The following PRMT3 variants were observed in gnomAD, a reference collection of about 807,000 sequenced individuals.
PRMT3 encodes the protein protein arginine methyltransferase 3.
PRMT3 carries 62 observed loss-of-function variants against 71.9 expected under a neutral mutation model. That is an observed-to-expected ratio of 0.86 (90% confidence interval 0.70 to 1.07). PRMT3 has a LOEUF of 1.07. Ranked by LOEUF, PRMT3 falls within the 50% of genes least tolerant of loss-of-function variation. The probability of loss-of-function intolerance (pLI) is 0.00; values close to 1 mark genes in which losing one functional copy is unlikely to be tolerated. For synonymous variants in PRMT3, 213 were observed against 220.4 expected, an observed-to-expected ratio of 0.97 and a Z score of 0.30; for missense variants, 663 against 643.0, an observed-to-expected ratio of 1.03 and a Z score of -0.34.
In PRMT3 at chr11:20,395,887, T is replaced by C. The variant is rs1359789083; in HGVS notation, c.485T>C (p.Leu162Ser). The part of the protein sequence containing the change: ...LSENTSVVEK[L>S]KHMEARALSA... Reference sequence around the variant, plus strand: ...GAAAATACATCTGTTGTTGAAAAATTGAAACATATGGAAGCCAGGGCACTG... The same window carrying C: ...GAAAATACATCTGTTGTTGAAAAATCGAAACATATGGAAGCCAGGGCACTG... The change falls in exon 6 of 16, where the codon TTG becomes TCG. Residue 162 changes from leucine (L) to serine (S), a missense_variant. Physicochemically the swap from Leu to Ser is moderately radical, Grantham distance 145 (BLOSUM62 -2). Coordinates refer to ENST00000331079, the MANE Select transcript of PRMT3 (RefSeq NM_005788.4). The C allele has an allele frequency of 6.2e-7, 1 of 1,614,140 alleles. No individual in the cohort carries two copies. Among genetic ancestry groups the C allele is most frequent in the South Asian group, 1.1e-5 (1 of 91,080 alleles).
chr11:20,459,329 T>C (rs140546105), intron 11 of PRMT3, among the ~76,000 whole-genome samples: 109 of 152,288 alleles, frequency 7.2e-4, no homozygotes, highest in African/African-American at 2.5e-3. Flanking sequence ...GGATATTCAG[T>C]TCCCATTAAC....
At chr11:20,416,552 TC>T (rs1211961041) in intron 9 of PRMT3, among the ~76,000 whole-genome samples, 1 of 152,138 alleles carries the variant, frequency 6.6e-6, no homozygotes, top group Admixed American at 6.6e-5. Context: ...TAATCAATTT[TC>T]AAGATTTGGG....
chr11:20,420,756 A>G (rs567430987), intron 9 of PRMT3, among the ~76,000 whole-genome samples: 1 of 152,172 alleles, frequency 6.6e-6, no homozygotes, highest in Admixed American at 6.5e-5. Context: ...CAAAACCTAC[A>G]ACCAGTATTG....
intron 2 of PRMT3, 48 bp downstream of exon 2, chr11:20,388,202 G>T (rs369672172): frequency 2.5e-6 from 4 of 1,608,720 alleles, no homozygotes; most frequent in Admixed American, 3.3e-5. Flanking sequence ...GCCCGGGCGC[G>T]TGGGGTCTGT....
chr11:20,456,518 G>C (rs1390711881), intron 11 of PRMT3, among the ~76,000 whole-genome samples: 1 of 152,140 alleles, frequency 6.6e-6, no homozygotes, highest in East Asian at 1.9e-4. Context: ...ATATTCATGT[G>C]AGTCTATTTT....
rs751574765 is a variant in PRMT3 at position 20,388,113 on chromosome 11, C to T, written c.123C>T (p.Leu41=). The stretch of plus-strand genomic sequence containing the variant: ...GGGAGGATGAGGACGATGCAGATCT[C>T]CCCCACGGCAAGCAGCAGACCCCCT... ...AAWEDEDDAD[L]PHGKQQTPCL... The change falls in exon 2 of 16, where the codon CTC becomes CTT. Residue 41 remains leucine, a synonymous_variant. Coordinates refer to ENST00000331079, the MANE Select transcript of PRMT3 (RefSeq NM_005788.4). 6 of 1,614,024 alleles carry T rather than the reference C, an allele frequency of 3.7e-6. No homozygotes were observed. In the South Asian group the frequency reaches 4.4e-5, roughly 12 times the overall value.
At chr11:20,478,694 G>A (rs1218525712) in intron 13 of PRMT3, among the ~76,000 whole-genome samples, 1 of 152,158 alleles carries the variant, frequency 6.6e-6, no homozygotes, top group Non-Finnish European at 1.5e-5. Flanking sequence ...GTTCAAACCA[G>A]TGATCTCTTA....
intron 13 of PRMT3, among the ~76,000 whole-genome samples, chr11:20,474,769 G>A (rs1003377994): frequency 1.3e-5 from 2 of 152,322 alleles, no homozygotes; most frequent in Non-Finnish European, 2.9e-5. Flanking sequence ...TTCTCTCAGC[G>A]AGGCAATGGT....
intron 13 of PRMT3, 40 bp from the exon 14 acceptor site, chr11:20,493,879 T>G: frequency 7.4e-7 from 1 of 1,350,594 alleles, no homozygotes; most frequent in Middle Eastern, 2.6e-4. Context: ...ATTATGTAAT[T>G]CATTTAGTAA....
chr11:20,453,331 A>T (rs974436469), intron 11 of PRMT3, among the ~76,000 whole-genome samples: 9 of 151,534 alleles, frequency 5.9e-5, no homozygotes, highest in Non-Finnish European at 1.0e-4. Flanking sequence ...AAAAAAAAAA[A>T]AAAAAAAAAT....
intron 6 of PRMT3, among the ~76,000 whole-genome samples, chr11:20,397,374 A>G (rs1176443043): frequency 6.6e-6 from 1 of 151,340 alleles, no homozygotes; most frequent in Non-Finnish European, 1.5e-5. Context: ...TGTGGTTTGT[A>G]GAAGGAGTAT....
At chr11:20,504,340 C>A (rs534418998) in intron 15 of PRMT3, among the ~76,000 whole-genome samples, 62 of 152,128 alleles carry the variant, frequency 4.1e-4, no homozygotes, top group Non-Finnish European at 7.9e-4. Flanking sequence ...TCTCATTTTC[C>A]CCCAGGGATC....
At chr11:20,479,277 G>T (rs542746389) in intron 13 of PRMT3, among the ~76,000 whole-genome samples, 18 of 152,118 alleles carry the variant, frequency 1.2e-4, no homozygotes, top group Admixed American at 5.9e-4. Flanking sequence ...CTCAGGAAAC[G>T]TTCTTTGAGT....
rs115358352 is a variant in PRMT3, at chr11:20,426,720, T to C, written c.894-46T>C. 216 of 1,370,218 alleles carry C rather than the reference T, an allele frequency of 1.6e-4. 1 individual carries two copies. The African/African-American group carries it at 2.9e-3, about 19-fold the overall frequency. 84.9% of individuals were successfully genotyped at this position (1,370,218 alleles called of 1,614,324 possible). A position where few individuals can be genotyped will look rare whatever the true frequency, so the allele number is the denominator to read the frequency against. On this transcript the variant is annotated intron_variant, in intron 9 of 15. Transcript: ENST00000331079. ...AAAAAATTATGTAATTTAACTAGCT[T>C]TCAGAATCTGTTTAACCTACTAATC...
intron 9 of PRMT3, among the ~76,000 whole-genome samples, chr11:20,414,617 T>G (rs542733110): frequency 6.4e-4 from 97 of 152,258 alleles, no homozygotes; most frequent in African/African-American, 2.2e-3. Context: ...TTATTCTGGG[T>G]GCCTTTGGTT....
At chr11:20,508,242 G>A (rs1851641383) in intron 15 of PRMT3, 62 bp from the exon 16 acceptor site, 1 of 884,894 alleles carries the variant, frequency 1.1e-6, no homozygotes, top group African/African-American at 1.7e-5. Flanking sequence ...GTTATACATT[G>A]TTTACTTTTC....
chr11:20,422,577 T>A (rs1046271783), intron 9 of PRMT3, among the ~76,000 whole-genome samples: 1 of 152,296 alleles, frequency 6.6e-6, no homozygotes, highest in South Asian at 2.1e-4. Flanking sequence ...ATCAGTCCAC[T>A]AGCAGGTTCT....
chr11:20,476,609 T>G (rs1850792403), intron 13 of PRMT3, among the ~76,000 whole-genome samples: 1 of 152,224 alleles, frequency 6.6e-6, no homozygotes, highest in Non-Finnish European at 1.5e-5. Flanking sequence ...GGTAGTCACT[T>G]CATAAGTTCC....
chr11:20,408,314 T>C (rs1023832586), intron 9 of PRMT3, among the ~76,000 whole-genome samples: 5 of 151,958 alleles, frequency 3.3e-5, no homozygotes, highest in Non-Finnish European at 5.9e-5. Context: ...TAATATAAAA[T>C]TAAAAACTAT....
Sources: gnomAD v4.1 joint callset for allele counts (sites outside exome capture counted in the v4.1 genomes callset) on GRCh38, gnomAD v4.1.1 for gene constraint, MANE v1.5 for transcripts, NCBI Gene and HGNC (gene_info 2026-07-23, HGNC 2026-07-21) for gene names.